Variants in CYP27A1 observed in about 807,000 individuals in gnomAD.
CYP27A1 encodes the protein sterol 26-hydroxylase, mitochondrial.
CYP27A1 carries 46 observed loss-of-function variants against 58.2 expected under a neutral mutation model. The ratio of observed to expected loss-of-function variants is 0.79; its 90% confidence interval spans 0.62 to 1.01. The LOEUF is 1.01. Ranked by LOEUF, CYP27A1 falls within the 50% of genes least tolerant of loss-of-function variation. CYP27A1 has a pLI of 0.00. For missense variants in CYP27A1, 704 were observed against 687.0 expected (o/e 1.02, Z -0.28); for synonymous variants, 274 against 285.1 (o/e 0.96, Z 0.39).
chr2:218,783,257 C>CAAAAAA (rs371442397), intron 1 of CYP27A1, among the ~76,000 whole-genome samples: 3 of 79,522 alleles, frequency 3.8e-5, no homozygotes, highest in Non-Finnish European at 5.2e-5. Flanking sequence ...AACTCTGTCT[C>CAAAAAA]AAAAAAAAAA....
At chr2:218,786,624 T>C (rs1290939203) in intron 1 of CYP27A1, among the ~76,000 whole-genome samples, 1 of 152,136 alleles carries the variant, frequency 6.6e-6, no homozygotes, top group Non-Finnish European at 1.5e-5. Flanking sequence ...TTCAAACATA[T>C]TGATCCTGAG....
chr2:218,784,147 C>CT (rs1943420832), intron 1 of CYP27A1, among the ~76,000 whole-genome samples: 1 of 152,168 alleles, frequency 6.6e-6, no homozygotes. Flanking sequence ...AAGGGCAAAA[C>CT]TGACTACAAC....
chr2:218,786,984 A>G (rs981326224), intron 1 of CYP27A1, among the ~76,000 whole-genome samples: 9 of 151,980 alleles, frequency 5.9e-5, no homozygotes, highest in African/African-American at 2.2e-4. Context: ...TGGTAGAAAG[A>G]GGTTTCGCCA....
At chr2:218,786,745 C>A (rs142994344) in intron 1 of CYP27A1, among the ~76,000 whole-genome samples, 1 of 152,206 alleles carries the variant, frequency 6.6e-6, no homozygotes, top group African/African-American at 2.4e-5. Context: ...CCAGGTGCCC[C>A]AATGTCCTAA....
At position 218,812,212 on chromosome 2, in the gene CYP27A1, G is replaced by A. The variant is rs756808196; in HGVS notation, c.447-10G>A. 1.8e-5 allele frequency: 29 copies of A among 1,612,054 alleles called. 1 individual carries two copies. In the South Asian group the frequency reaches 2.1e-4, roughly 12 times the overall value. ...GCTTATCTTTGTGCTGTTCCTCTGC[G>A]TCCCTGCAGGGAAGGACACCACTGG... is the stretch of plus-strand genomic sequence containing the variant. On this transcript the variant is annotated splice_polypyrimidine_tract_variant and intron_variant, in intron 2 of 8. Transcript: ENST00000258415.
intron 1 of CYP27A1, among the ~76,000 whole-genome samples, chr2:218,798,011 C>G (rs1269131702): frequency 6.6e-6 from 1 of 151,348 alleles, no homozygotes; most frequent in African/African-American, 2.4e-5. Flanking sequence ...TTCTTATAAT[C>G]TTTTTTTTTG....
At chr2:218,799,832 G>A (rs555937152) in intron 1 of CYP27A1, among the ~76,000 whole-genome samples, 6 of 151,578 alleles carry the variant, frequency 4.0e-5, no homozygotes, top group East Asian at 3.9e-4. Flanking sequence ...GGTATTTCTC[G>A]GTGCCCCAAT....
chr2:218,814,783 G>T, intron 8 of CYP27A1, 26 bp downstream of exon 8: 1 of 1,613,780 alleles, frequency 6.2e-7, no homozygotes, highest in Non-Finnish European at 8.5e-7. Context: ...CTAGTAGGGT[G>T]TGTGGGCAGG....
At chr2:218,783,101 A>G (rs1943409868) in intron 1 of CYP27A1, among the ~76,000 whole-genome samples, 2 of 151,984 alleles carry the variant, frequency 1.3e-5, no homozygotes, top group Non-Finnish European at 2.9e-5. Flanking sequence ...TACTAAAAAT[A>G]CAAACATTAG....
At chr2:218,799,135 G>A (rs1943575114) in intron 1 of CYP27A1, among the ~76,000 whole-genome samples, 1 of 152,100 alleles carries the variant, frequency 6.6e-6, no homozygotes, top group South Asian at 2.1e-4. Flanking sequence ...AACTGTTAGG[G>A]ACAAACTGCC....
chr2:218,805,982 G>A (rs1329731689), intron 1 of CYP27A1: 1 of 152,208 alleles, frequency 6.6e-6, no homozygotes. Context: ...TGACAGCCAG[G>A]AAGTAGTCTC....
At chr2:218,803,668 C>T (rs1189261533) in intron 1 of CYP27A1, among the ~76,000 whole-genome samples, 1 of 150,802 alleles carries the variant, frequency 6.6e-6, no homozygotes, top group African/African-American at 2.4e-5. Flanking sequence ...GTGATCTGTC[C>T]ACTTCGGCCT....
chr2:218,794,805 A>G (rs1943530723), intron 1 of CYP27A1, among the ~76,000 whole-genome samples: 1 of 152,226 alleles, frequency 6.6e-6, no homozygotes, highest in South Asian at 2.1e-4. Context: ...AAGGGGTCCT[A>G]GGGGTTCAGG....
Position 218,799,418 on chromosome 2 carries a change from C to T in CYP27A1, c.256-10159C>T, listed in dbSNP as rs116194928. Reference sequence around the variant, plus strand: ...CTGTTCATCTAGCTGCTACCATAAACGTCACACGGTGATATGTGGCAAAAT... The same window carrying T: ...CTGTTCATCTAGCTGCTACCATAAATGTCACACGGTGATATGTGGCAAAAT... On this transcript the variant is annotated intron_variant, in intron 1 of 8. Transcript: ENST00000258415. Among the ~76,000 whole-genome samples the T allele has an allele frequency of 3.1e-3, 479 of 152,270 alleles. 4 individuals carry two copies. The highest frequency in any genetic ancestry group is 0.011 in the African/African-American group (461 of 41,546).
Position 218,815,210 on chromosome 2 carries a change from C to T in CYP27A1, c.*180C>T. 1 of 671,378 alleles carries T rather than the reference C, an allele frequency of 1.5e-6. No individual in the cohort carries two copies. Among genetic ancestry groups the T allele is most frequent in the Non-Finnish European group, 2.6e-6 (1 of 386,706 alleles). The allele number at this position is 671,378 out of a possible 1,614,324, so 41.6% of individuals were successfully genotyped here. A position where few individuals can be genotyped will look rare whatever the true frequency, so the allele number is the denominator to read the frequency against. On this transcript the variant is annotated 3_prime_UTR_variant, in exon 9 of 9. Coordinates refer to ENST00000258415, the MANE Select transcript of CYP27A1 (RefSeq NM_000784.4). ...CACTTCTATCATTTTTGAGCAACTCCCTCTCAGCTAAAAGGCCACCCCTTT... is the reference window on the plus strand; with the variant it reads ...CACTTCTATCATTTTTGAGCAACTCTCTCTCAGCTAAAAGGCCACCCCTTT...
rs373520260 is a variant in CYP27A1 at position 218,814,492 on chromosome 2, G to A, written c.1263+34G>A. On this transcript the variant is annotated intron_variant, in intron 7 of 8. Transcript: ENST00000258415. ...GGCTAGAGAGCCCGATTGCCCAGGA[G>A]TGCCCTATGCCCCCGAAGAGAGGCA... 15 of 1,613,460 alleles carry A rather than the reference G, an allele frequency of 9.3e-6. No individual in the cohort carries two copies. The African/African-American group carries it at 1.9e-4, about 20-fold the overall frequency.
rs764766872 is a variant in CYP27A1, at chr2:218,812,652, G to A, written c.747G>A (p.Gln249=). 4.0e-5 allele frequency: 65 copies of A among 1,614,100 alleles called. No individual in the cohort carries two copies. The highest frequency in any genetic ancestry group is 5.4e-5 in the Non-Finnish European group (64 of 1,180,056). ...TCAGATCCATCGGGTTAATGTTCCA[G>A]AACTCACTCTATGCCACCTTCCTCC... The part of the protein sequence containing the change: ...TFVRSIGLMF[Q]NSLYATFLPK... Residue 249 remains glutamine, a synonymous_variant, in exon 4 of 9, where the codon CAG becomes CAA. Transcript: ENST00000258415.
At chr2:218,807,648 ACT>A in intron 1 of CYP27A1, among the ~76,000 whole-genome samples, 1 of 152,110 alleles carries the variant, frequency 6.6e-6, no homozygotes, top group Admixed American at 6.5e-5. Context: ...ACAGAGTCTC[ACT>A]CTGTCATCTA....
chr2:218,796,216 A>G (rs1357022744), intron 1 of CYP27A1, among the ~76,000 whole-genome samples: 4 of 152,210 alleles, frequency 2.6e-5, no homozygotes, highest in Admixed American at 6.5e-5. Context: ...CCTTGGTAAA[A>G]CAACAGTTTC....
Sources: allele counts gnomAD v4.1 joint callset (sites outside exome capture counted in the v4.1 genomes callset), GRCh38; gene constraint gnomAD v4.1.1; transcripts MANE v1.5; gene names NCBI Gene and HGNC (gene_info 2026-07-23, HGNC 2026-07-21).